Variants in HDAC4 observed in about 807,000 individuals in gnomAD.
The protein encoded by HDAC4 is histone deacetylase A.
In HDAC4, 16 loss-of-function variants were observed where a neutral mutation model predicts 135.1. The ratio of observed to expected loss-of-function variants is 0.12; its 90% CI spans 0.08 to 0.18. The LOEUF is 0.18. Ranked by LOEUF, HDAC4 falls within the 10% of genes least tolerant of loss-of-function variation. HDAC4 has a pLI of 1.00. For synonymous variants in HDAC4, 685 were observed against 653.4 expected (o/e 1.05, Z -0.74); for missense variants, 1,143 against 1,511.8 (o/e 0.76, Z 4.05).
intron 1 of HDAC4, among the ~76,000 whole-genome samples, chr2:239,386,202 C>G (rs1695799035): frequency 6.6e-6 from 1 of 152,080 alleles, no homozygotes; most frequent in Non-Finnish European, 1.5e-5. Context: ...GAGCCACTGT[C>G]AGGTCCCAGT....
chr2:239,065,681 G>T (rs545475542), intron 24 of HDAC4, among the ~76,000 whole-genome samples: 2 of 152,332 alleles, frequency 1.3e-5, no homozygotes, highest in East Asian at 3.9e-4. Context: ...CCCTGGCAAG[G>T]CCTCTGCATC....
intron 2 of HDAC4, among the ~76,000 whole-genome samples, chr2:239,310,664 A>G (rs536398867): frequency 6.6e-6 from 1 of 152,328 alleles, no homozygotes; most frequent in Admixed American, 6.5e-5. Context: ...GCAATGATGC[A>G]AATATGATAA....
intron 1 of HDAC4, among the ~76,000 whole-genome samples, chr2:239,395,161 A>C (rs772135051): frequency 6.6e-6 from 1 of 152,224 alleles, no homozygotes; most frequent in Non-Finnish European, 1.5e-5. Context: ...TAGAAAGTAA[A>C]GCAGGTGGCA....
chr2:239,123,944 C>A (rs949629181), intron 12 of HDAC4, among the ~76,000 whole-genome samples: 1 of 151,916 alleles, frequency 6.6e-6, no homozygotes, highest in African/African-American at 2.4e-5. Context: ...CCACAGAAGA[C>A]CCTGAGCCTC....
chr2:239,335,206 G>C (rs77069028), intron 2 of HDAC4, among the ~76,000 whole-genome samples: 429 of 152,142 alleles, frequency 2.8e-3, no homozygotes, highest in African/African-American at 0.01. Flanking sequence ...CAATGAACTA[G>C]AATAAAGTGC....
chr2:239,106,090 C>A (rs2038104400), intron 15 of HDAC4, among the ~76,000 whole-genome samples: 1 of 152,208 alleles, frequency 6.6e-6, no homozygotes, highest in Non-Finnish European at 1.5e-5. Flanking sequence ...TGTCCCACAG[C>A]CCCAACACCT....
chr2:239,309,810 C>T lies in HDAC4; in HGVS notation c.22+42868G>A, dbSNP rs1013217423. 3.9e-5 allele frequency among the ~76,000 whole-genome samples: 6 copies of T among 152,224 alleles called. No homozygotes were observed. Among genetic ancestry groups the T allele is most frequent in the African/African-American group, 1.4e-4 (6 of 41,466 alleles). ...GACTGGTGTTGATAAAACATTCCAA[C>T]CACACACTCAGACCATGGATGTGGC... On this transcript the variant is annotated intron_variant, in intron 2 of 26. Coordinates refer to ENST00000543185, the MANE Select transcript of HDAC4 (RefSeq NM_001378414.1). The surrounding 1 kb of genome is among the most constrained non-coding windows in gnomAD (Gnocchi z 4.2).
intron 18 of HDAC4, among the ~76,000 whole-genome samples, chr2:239,088,797 A>G (rs2036229505): frequency 6.6e-6 from 1 of 152,248 alleles, no homozygotes; most frequent in African/African-American, 2.4e-5. Flanking sequence ...TTTGGAACAC[A>G]CGGCTCTGCC....
intron 13 of HDAC4, among the ~76,000 whole-genome samples, chr2:239,114,001 C>T (rs1434653156): frequency 2.6e-5 from 4 of 152,180 alleles, no homozygotes; most frequent in African/African-American, 4.8e-5. Flanking sequence ...GGGCTCCTGA[C>T]CCAGAAGCCT....
chr2:239,270,220 T>A (rs186920017), intron 2 of HDAC4, among the ~76,000 whole-genome samples: 70 of 152,276 alleles, frequency 4.6e-4, no homozygotes, highest in Middle Eastern at 3.4e-3. Context: ...CCCTGTGGCC[T>A]GTCCACATCC....
chr2:239,165,531 T>A (rs2043072723), intron 5 of HDAC4, among the ~76,000 whole-genome samples: 2 of 152,170 alleles, frequency 1.3e-5, no homozygotes, highest in South Asian at 2.1e-4. Context: ...GTTGCGTGGG[T>A]TTCTTATGAT....
intron 2 of HDAC4, among the ~76,000 whole-genome samples, chr2:239,342,530 C>G (rs1222197125): frequency 6.6e-6 from 1 of 152,120 alleles, no homozygotes; most frequent in Non-Finnish European, 1.5e-5. Flanking sequence ...AAATACGTTA[C>G]AATAAGTTTT....
At chr2:239,194,473 G>T (rs530691495) in intron 3 of HDAC4, among the ~76,000 whole-genome samples, 1 of 152,158 alleles carries the variant, frequency 6.6e-6, no homozygotes, top group Non-Finnish European at 1.5e-5. Context: ...GCTCCTGCCC[G>T]CCTCACAGGC....
chr2:239,143,803 A>C (rs2041569186), intron 8 of HDAC4, among the ~76,000 whole-genome samples: 1 of 152,220 alleles, frequency 6.6e-6, no homozygotes, highest in African/African-American at 2.4e-5. Context: ...TGCCTTTCAC[A>C]GACCACCTAC....
intron 1 of HDAC4, among the ~76,000 whole-genome samples, chr2:239,385,422 G>A (rs1209619130): frequency 2.0e-5 from 3 of 152,248 alleles, no homozygotes; most frequent in Non-Finnish European, 2.9e-5. Flanking sequence ...ACTCTGCCCA[G>A]CTCAGCAGCG....
intron 14 of HDAC4, among the ~76,000 whole-genome samples, chr2:239,108,541 T>C (rs950756465): frequency 1.3e-5 from 2 of 152,116 alleles, no homozygotes; most frequent in Non-Finnish European, 2.9e-5. Flanking sequence ...GTGAGCTCTA[T>C]GTGGGACTTG....
At chr2:239,160,644 C>T (rs1439974472) in intron 6 of HDAC4, among the ~76,000 whole-genome samples, 4 of 152,262 alleles carry the variant, frequency 2.6e-5, no homozygotes, top group Non-Finnish European at 5.9e-5. Flanking sequence ...GCCAGCGGTC[C>T]GTTCCTTGTC....
intron 2 of HDAC4, among the ~76,000 whole-genome samples, chr2:239,329,328 A>C (rs1195536674): frequency 6.6e-6 from 1 of 152,252 alleles, no homozygotes; most frequent in Non-Finnish European, 1.5e-5. Flanking sequence ...GTTGAGTTTT[A>C]TGGTTTACCA....
chr2:239,265,017 G>A (rs749385545), intron 2 of HDAC4, among the ~76,000 whole-genome samples: 9 of 152,198 alleles, frequency 5.9e-5, no homozygotes, highest in East Asian at 1.9e-4. Context: ...GGCCCAATGC[G>A]GGCTGAAGTG....
Sources: gnomAD v4.1 joint callset for allele counts (sites outside exome capture counted in the v4.1 genomes callset) on GRCh38, gnomAD v4.1.1 for gene constraint, Gnocchi (gnomAD v3.1) non-coding constraint, MANE v1.5 for transcripts, NCBI Gene and HGNC (gene_info 2026-07-23, HGNC 2026-07-21) for gene names.